Variants in KCNN3 observed in about 807,000 individuals in gnomAD.
The protein encoded by KCNN3 is potassium calcium-activated channel subfamily N member 3.
KCNN3 carries 16 observed loss-of-function variants against 62.9 expected under a neutral mutation model. The ratio of observed to expected loss-of-function variants is 0.25; its 90% CI spans 0.17 to 0.39. KCNN3 has a LOEUF of 0.39. Ranked by LOEUF, KCNN3 falls within the 10% of genes least tolerant of loss-of-function variation. The probability of loss-of-function intolerance (pLI) is 1.00; values close to 1 mark genes in which losing one functional copy is unlikely to be tolerated. For missense variants in KCNN3, 599 were observed against 949.4 expected, an observed-to-expected ratio of 0.63 and a Z score of 4.85; for synonymous variants, 370 against 389.2, an observed-to-expected ratio of 0.95 and a Z score of 0.58.
chr1:154,851,103 C>T (rs558665235), intron 1 of KCNN3, among the ~76,000 whole-genome samples: 4 of 152,276 alleles, frequency 2.6e-5, no homozygotes, highest in Non-Finnish European at 4.4e-5. Flanking sequence ...CTCAGCCTCC[C>T]GAGTAGCTGG....
rs67091748 is a variant in KCNN3 at position 154,702,700 on chromosome 1, GATATATATATAT to G, written c.*5264_*5275del. Reference sequence around the variant, plus strand: ...ACGTTGGCTGCTTCGATCTGATTCAGATATATATATATATATATATATATATATATATATATA... The same window carrying G: ...ACGTTGGCTGCTTCGATCTGATTCAGATATATATATATATATATATATATA... On this transcript the variant is annotated 3_prime_UTR_variant, in exon 8 of 8. Transcript: ENST00000271915. 609 of 43,064 alleles carry G rather than the reference GATATATATATAT, an allele frequency of 0.014. 10 individuals are homozygous for G. Among genetic ancestry groups the G allele is most frequent in the African/African-American group, 0.029 (483 of 16,394 alleles). 2.7% of individuals were successfully genotyped at this position (43,064 alleles called of 1,614,324 possible). A position where few individuals can be genotyped will look rare whatever the true frequency, so the allele number is the denominator to read the frequency against.
chr1:154,755,826 A>AAGG (rs1204001491), intron 3 of KCNN3, among the ~76,000 whole-genome samples: 11 of 127,748 alleles, frequency 8.6e-5, no homozygotes, highest in East Asian at 7.8e-4. Context: ...AAAGAAGAAG[A>AAGG]AGGAGGAGGA....
At chr1:154,830,524 T>G (rs1216549242) in intron 1 of KCNN3, among the ~76,000 whole-genome samples, 1 of 152,238 alleles carries the variant, frequency 6.6e-6, no homozygotes, top group Non-Finnish European at 1.5e-5. Context: ...CTTGGGGTCT[T>G]CACCGTCTCT....
rs71077969 is a variant in KCNN3 at position 154,780,194 on chromosome 1, C to CTTT, written c.1030-7804_1030-7802dup. Among the ~76,000 whole-genome samples, 129 of 102,058 alleles carry CTTT rather than the reference C, an allele frequency of 1.3e-3. 5 individuals are homozygous for CTTT. Among genetic ancestry groups the CTTT allele is most frequent in the Middle Eastern group, 5.1e-3 (1 of 196 alleles). 67.0% of individuals were successfully genotyped at this position (102,058 alleles called of 152,430 possible). A position where few individuals can be genotyped will look rare whatever the true frequency, so the allele number is the denominator to read the frequency against. On this transcript the variant is annotated intron_variant, in intron 2 of 7. Coordinates refer to ENST00000271915, the MANE Select transcript of KCNN3 (RefSeq NM_002249.6). The stretch of plus-strand genomic sequence containing the variant: ...GGAAGCTTGCCTTTTTTCTTTTTTT[C>CTTT]TTTTTTTTTTTTTTTTTTTTTTTTT...
rs1245261338 is a variant in KCNN3, at chr1:154,704,505, T to C, written c.*3471A>G. ...TGTCCTGAAATTCCACTGAGATTAG[T>C]GGTCTTAAAGTATCACAGTACATCC... On this transcript the variant is annotated 3_prime_UTR_variant, in exon 8 of 8. Transcript: ENST00000271915. The C allele has an allele frequency of 6.6e-6, 1 of 152,128 alleles. No individual in the cohort carries two copies. The allele number at this position is 152,128 out of a possible 1,614,324, so 9.4% of individuals were successfully genotyped here.
chr1:154,848,095 T>TC (rs903272233), intron 1 of KCNN3, among the ~76,000 whole-genome samples: 2 of 151,862 alleles, frequency 1.3e-5, no homozygotes, highest in South Asian at 2.1e-4. Context: ...GAAGGAGGCC[T>TC]CCCCCCCTCC....
intron 3 of KCNN3, among the ~76,000 whole-genome samples, chr1:154,744,675 A>G (rs11577391): frequency 0.27 from 40,873 of 152,124 alleles, 5,689 homozygotes; most frequent in Middle Eastern, 0.35. Context: ...CAGGTCCCCA[A>G]TATAATCAAC....
chr1:154,757,207 C>T (rs1314773808), intron 3 of KCNN3, among the ~76,000 whole-genome samples: 1 of 152,190 alleles, frequency 6.6e-6, no homozygotes, highest in Non-Finnish European at 1.5e-5. Context: ...GAGAAATCTG[C>T]GGGAGCCTGA....
chr1:154,837,346 T>C (rs1230612100), intron 1 of KCNN3, among the ~76,000 whole-genome samples: 2 of 152,160 alleles, frequency 1.3e-5, no homozygotes, highest in Admixed American at 1.3e-4. Flanking sequence ...AGTTTGACCA[T>C]GTTGGCCAGG....
chr1:154,714,319 G>GGTGTGTGTGGGGTGT (rs1468934729), intron 6 of KCNN3, among the ~76,000 whole-genome samples: 7 of 55,164 alleles, frequency 1.3e-4, no homozygotes, highest in South Asian at 7.5e-4. Context: ...GTTTGTGTGA[G>GGTGTGTGTGGGGTGT]GTGTGTGTGT....
At chr1:154,714,307 T>A (rs1228120473) in intron 6 of KCNN3, among the ~76,000 whole-genome samples, 8 of 78,518 alleles carry the variant, frequency 1.0e-4, no homozygotes, top group African/African-American at 3.7e-4. Flanking sequence ...GGTGTGTGTG[T>A]GGTTTGTGTG....
chr1:154,743,534 T>G (rs1170495862), intron 3 of KCNN3, among the ~76,000 whole-genome samples: 1 of 152,232 alleles, frequency 6.6e-6, no homozygotes, highest in Non-Finnish European at 1.5e-5. Context: ...GCCCCTCACC[T>G]GCTGTTCTTT....
chr1:154,736,250 T>A (rs1700709323), intron 3 of KCNN3, among the ~76,000 whole-genome samples: 1 of 152,200 alleles, frequency 6.6e-6, no homozygotes. Context: ...CCAAATTAAG[T>A]GCTCACTAAA....
chr1:154,856,391 G>A (rs200561437), intron 1 of KCNN3, among the ~76,000 whole-genome samples: 3 of 152,152 alleles, frequency 2.0e-5, no homozygotes, highest in East Asian at 1.9e-4. Context: ...ATGCACCATC[G>A]ATGAGGACCC....
intron 2 of KCNN3, among the ~76,000 whole-genome samples, chr1:154,787,557 G>C (rs565332198): frequency 2.6e-4 from 39 of 152,322 alleles, no homozygotes; most frequent in Middle Eastern, 3.4e-3. Context: ...CTATGGAGAG[G>C]GCCAGTTTGG....
chr1:154,806,741 A>G (rs1342242245), intron 2 of KCNN3, among the ~76,000 whole-genome samples: 3 of 152,238 alleles, frequency 2.0e-5, no homozygotes, highest in African/African-American at 4.8e-5. Flanking sequence ...ACTACAAACT[A>G]GAAAGGGGCC....
At chr1:154,760,661 G>C (rs1647962976) in intron 3 of KCNN3, among the ~76,000 whole-genome samples, 2 of 152,200 alleles carry the variant, frequency 1.3e-5, no homozygotes, top group South Asian at 2.1e-4. Context: ...CTGGCCGCGC[G>C]GGAACCACCC....
intron 1 of KCNN3, among the ~76,000 whole-genome samples, chr1:154,844,809 C>T (rs933171134): frequency 6.6e-6 from 1 of 152,034 alleles, no homozygotes; most frequent in Non-Finnish European, 1.5e-5. Context: ...AGTTCAAGAC[C>T]AGCCTGACCA....
chr1:154,780,947 C>T (rs1208695970), intron 2 of KCNN3, among the ~76,000 whole-genome samples: 3 of 152,126 alleles, frequency 2.0e-5, no homozygotes, highest in Admixed American at 2.0e-4. Flanking sequence ...ATGCTTAGGG[C>T]GTTGGGGTCC....
Sources: gnomAD v4.1 joint callset for allele counts (sites outside exome capture counted in the v4.1 genomes callset) on GRCh38, gnomAD v4.1.1 for gene constraint, MANE v1.5 for transcripts, NCBI Gene and HGNC (gene_info 2026-07-23, HGNC 2026-07-21) for gene names.